Variants in PHKB observed in about 807,000 individuals in gnomAD.
The protein encoded by PHKB is phosphorylase kinase regulatory subunit beta.
A neutral mutation model predicts 152.1 loss-of-function variants in PHKB; 122 were observed. That is an observed-to-expected ratio of 0.80 (90% CI 0.69 to 0.93). The LOEUF (loss-of-function observed/expected upper bound fraction) is 0.93. PHKB is among the 40% of genes least tolerant of loss of function. PHKB has a pLI of 0.00. For synonymous variants in PHKB, 436 were observed against 464.9 expected (o/e 0.94, Z 0.80); for missense variants, 1,304 against 1,328.4 (o/e 0.98, Z 0.29).
At chr16:47,540,438 A>G (rs1331982960) in intron 6 of PHKB, among the ~76,000 whole-genome samples, 1 of 151,848 alleles carries the variant, frequency 6.6e-6, no homozygotes, top group African/African-American at 2.4e-5. Context: ...TTGCCCTTTG[A>G]AGCATGTGAT....
intron 7 of PHKB, among the ~76,000 whole-genome samples, chr16:47,573,913 C>G (rs369535759): frequency 1.4e-4 from 21 of 148,658 alleles, no homozygotes; most frequent in African/African-American, 5.0e-4. Context: ...TGGGAGTGCA[C>G]GCAAAACAAT....
In PHKB at chr16:47,596,514, T is replaced by G; in HGVS notation, c.1346T>G (p.Ile449Ser). ...TTTCTTTGGGGACAAGCACTTTATA[T>G]CATCGCAAAACTCCTGGGTAAGTGG... ...KLFLWGQALY[I>S]IAKLLADELI... The change falls in exon 13 of 31, where the codon ATC (isoleucine) becomes AGC (serine). Residue 449 changes from isoleucine (I) to serine (S), a missense_variant. Ile to Ser is a moderately radical substitution (Grantham distance 142). Coordinates refer to ENST00000323584, the MANE Select transcript of PHKB (RefSeq NM_000293.3). The G allele has an allele frequency of 6.2e-7, 1 of 1,613,880 alleles. No homozygotes were observed. The highest frequency in any genetic ancestry group is 8.5e-7 in the Non-Finnish European group (1 of 1,179,796).
At chr16:47,667,959 A>C (rs563158129) in intron 25 of PHKB, among the ~76,000 whole-genome samples, 1 of 152,350 alleles carries the variant, frequency 6.6e-6, no homozygotes, top group African/African-American at 2.4e-5. Context: ...CCAGGGTAAC[A>C]GTCACTTACA....
At chr16:47,580,384 T>C in intron 8 of PHKB, 26 bp downstream of exon 8, 1 of 1,497,090 alleles carries the variant, frequency 6.7e-7, no homozygotes, top group Non-Finnish European at 9.3e-7. Flanking sequence ...CCCAGAATCT[T>C]TGATTATTTG....
chr16:47,530,662 G>C (rs1229494159), intron 6 of PHKB, among the ~76,000 whole-genome samples: 2 of 152,184 alleles, frequency 1.3e-5, no homozygotes, highest in Admixed American at 6.5e-5. Flanking sequence ...AACATATGGA[G>C]AGCAATAATT....
rs555717297 is a variant in PHKB, at chr16:47,673,241, A to G, written c.2630+3824A>G. On this transcript the variant is annotated intron_variant, in intron 26 of 30. Transcript: ENST00000323584. ...TGTCTTACAGTCTCTTTCATCAGAG[A>G]TACTCAATAAATATTGGATTGTTTA... Among the ~76,000 whole-genome samples, 58 of 152,064 alleles carry G rather than the reference A, an allele frequency of 3.8e-4. 2 individuals are homozygous for G. Among genetic ancestry groups the G allele is most frequent in the Admixed American group, 2.3e-3 (35 of 15,270 alleles).
At chr16:47,665,349 T>A in intron 25 of PHKB, 1 of 238,716 alleles carries the variant, frequency 4.2e-6, no homozygotes, top group Non-Finnish European at 8.2e-6. Flanking sequence ...AAAAATCTGT[T>A]CTCCCTAGGT....
chr16:47,498,344 A>C (rs1435935830), intron 2 of PHKB, among the ~76,000 whole-genome samples: 1 of 152,228 alleles, frequency 6.6e-6, no homozygotes, highest in Non-Finnish European at 1.5e-5. Context: ...TGGGAAAAAT[A>C]ATAAATACCC....
intron 8 of PHKB, among the ~76,000 whole-genome samples, chr16:47,582,957 C>T (rs1017950013): frequency 2.6e-5 from 4 of 152,062 alleles, no homozygotes; most frequent in Admixed American, 1.3e-4. Context: ...CCACCACACC[C>T]GACTAATTTT....
rs375856403 is a variant in PHKB, at chr16:47,699,498, G to A, written c.*132G>A. 193 of 1,007,664 alleles carry A rather than the reference G, an allele frequency of 1.9e-4. No individual in the cohort carries two copies. The highest frequency in any genetic ancestry group is 1.5e-3 in the East Asian group (65 of 42,112). 62.4% of individuals were successfully genotyped at this position (1,007,664 alleles called of 1,614,324 possible). A position where few individuals can be genotyped will look rare whatever the true frequency, so the allele number is the denominator to read the frequency against. Reference sequence around the variant, plus strand: ...GGGAGGTGAATGCCACATCCTTGGCGGGGTTATGGACCTCTTGCATGTCAT... The same window carrying A: ...GGGAGGTGAATGCCACATCCTTGGCAGGGTTATGGACCTCTTGCATGTCAT... On this transcript the variant is annotated 3_prime_UTR_variant, in exon 31 of 31. Transcript: ENST00000323584.
intron 14 of PHKB, among the ~76,000 whole-genome samples, chr16:47,613,665 T>C (rs978467415): frequency 1.3e-5 from 2 of 152,244 alleles, no homozygotes; most frequent in Non-Finnish European, 2.9e-5. Context: ...ATTAAAATTT[T>C]GTGTAATTTT....
At chr16:47,667,087 T>C (rs1973551393) in intron 25 of PHKB, among the ~76,000 whole-genome samples, 1 of 152,188 alleles carries the variant, frequency 6.6e-6, no homozygotes, top group Non-Finnish European at 1.5e-5. Context: ...TAATAAGCTA[T>C]TTATTGTTTC....
Position 47,596,397 on chromosome 16 carries a change from A to G in PHKB, c.1229A>G (p.Tyr410Cys), listed in dbSNP as rs1972120019. ...GGATATCCTGTTGTACCAAAGTACTATTATGTGCCAGCTGACTTTGTAGAA... is the reference window on the plus strand; with the variant it reads ...GGATATCCTGTTGTACCAAAGTACTGTTATGTGCCAGCTGACTTTGTAGAA... ...TEGYPVVPKY[Y>C]YVPADFVEYE... Residue 410 changes from tyrosine to cysteine, a missense_variant, in exon 13 of 31, where the codon TAT becomes TGT. Transcript: ENST00000323584. The G allele has an allele frequency of 1.6e-5, 25 of 1,608,874 alleles. No individual in the cohort carries two copies. The highest frequency in any genetic ancestry group is 2.1e-5 in the Non-Finnish European group (25 of 1,175,254).
intron 13 of PHKB, among the ~76,000 whole-genome samples, chr16:47,607,510 G>A (rs546110610): frequency 1.3e-5 from 2 of 152,098 alleles, no homozygotes; most frequent in Non-Finnish European, 2.9e-5. Flanking sequence ...ATGTTTCAGC[G>A]ATTCATTCCT....
At chr16:47,466,263 C>T (rs933283004) in intron 1 of PHKB, among the ~76,000 whole-genome samples, 7 of 152,020 alleles carry the variant, frequency 4.6e-5, no homozygotes, top group African/African-American at 1.7e-4. Flanking sequence ...ATGTACAAAA[C>T]CAAGAATTTA....
At chr16:47,665,308 T>C in intron 25 of PHKB, 1 of 323,510 alleles carries the variant, frequency 3.1e-6, no homozygotes, top group Non-Finnish European at 5.9e-6. Flanking sequence ...AAAATTGTCT[T>C]ATGTATTGCA....
chr16:47,609,524 C>G (rs936458425), intron 13 of PHKB, among the ~76,000 whole-genome samples: 12 of 150,126 alleles, frequency 8.0e-5, no homozygotes, highest in Admixed American at 8.0e-4. Flanking sequence ...CCATCTAGTC[C>G]TGAACTATGT....
chr16:47,536,658 C>T (rs1339559784), intron 6 of PHKB, among the ~76,000 whole-genome samples: 2 of 152,206 alleles, frequency 1.3e-5, no homozygotes, highest in African/African-American at 2.4e-5. Flanking sequence ...TACATATTCA[C>T]ACAAAGTGAG....
chr16:47,607,969 T>C (rs542071357), intron 13 of PHKB, among the ~76,000 whole-genome samples: 3 of 152,318 alleles, frequency 2.0e-5, no homozygotes, highest in African/African-American at 2.4e-5. Context: ...TTATTGGTAA[T>C]TTGTATATCT....
Sources: allele counts gnomAD v4.1 joint callset (sites outside exome capture counted in the v4.1 genomes callset), GRCh38; gene constraint gnomAD v4.1.1; transcripts MANE v1.5; gene names NCBI Gene and HGNC (gene_info 2026-07-23, HGNC 2026-07-21).